TMEM132C: variants seen among roughly 807,000 people sequenced by gnomAD.
The protein encoded by TMEM132C is transmembrane protein 132C.
TMEM132C carries 29 observed loss-of-function variants against 61.4 expected under a neutral mutation model. The ratio of observed to expected loss-of-function variants is 0.47; its 90% CI spans 0.35 to 0.64. TMEM132C has a LOEUF of 0.64. TMEM132C is among the 30% of genes least tolerant of loss of function. The probability of loss-of-function intolerance (pLI) is 0.00; values close to 1 mark genes in which losing one functional copy is unlikely to be tolerated. For missense variants in TMEM132C, 1,408 were observed against 1,476.9 expected (o/e 0.95, Z 0.76); for synonymous variants, 656 against 633.1 (o/e 1.04, Z -0.54).
intron 1 of TMEM132C, among the ~76,000 whole-genome samples, chr12:128,328,128 T>A (rs1247565907): frequency 1.3e-5 from 2 of 152,036 alleles, no homozygotes; most frequent in Admixed American, 1.3e-4. Context: ...GCTTAGAATT[T>A]TATTTTGTGT....
chr12:128,581,944 T>A (rs1009698957), intron 3 of TMEM132C, among the ~76,000 whole-genome samples: 3 of 152,140 alleles, frequency 2.0e-5, no homozygotes, highest in Non-Finnish European at 4.4e-5. Flanking sequence ...TGGCTTCAGC[T>A]CCGCGAATCC....
intron 2 of TMEM132C, among the ~76,000 whole-genome samples, chr12:128,533,514 C>T (rs1289893289): frequency 6.6e-6 from 1 of 152,176 alleles, no homozygotes; most frequent in Non-Finnish European, 1.5e-5. Flanking sequence ...TTGATTCCTT[C>T]TGAGGTCTGA....
intron 1 of TMEM132C, among the ~76,000 whole-genome samples, chr12:128,320,916 G>A (rs1241451119): frequency 6.6e-6 from 1 of 151,712 alleles, no homozygotes; most frequent in Non-Finnish European, 1.5e-5. Context: ...GTCCATTTTC[G>A]GATTGTTGAT....
intron 2 of TMEM132C, among the ~76,000 whole-genome samples, chr12:128,428,443 T>C (rs1398932217): frequency 6.6e-6 from 1 of 152,088 alleles, no homozygotes; most frequent in East Asian, 1.9e-4. Flanking sequence ...TTTTTTATAA[T>C]AGGTGCAATA....
intron 5 of TMEM132C, among the ~76,000 whole-genome samples, chr12:128,673,237 G>A (rs1052302720): frequency 6.6e-6 from 1 of 152,164 alleles, no homozygotes; most frequent in South Asian, 2.1e-4. Flanking sequence ...GGAGCCCCAC[G>A]ATGGCAGTAG....
At chr12:128,691,556 G>A (rs1471657423) in intron 5 of TMEM132C, among the ~76,000 whole-genome samples, 1 of 151,946 alleles carries the variant, frequency 6.6e-6, no homozygotes, top group African/African-American at 2.4e-5. Context: ...ATCCATCCGT[G>A]CATCCACCCA....
intron 3 of TMEM132C, among the ~76,000 whole-genome samples, chr12:128,581,422 C>A (rs1396968423): frequency 6.6e-6 from 1 of 152,086 alleles, no homozygotes; most frequent in Non-Finnish European, 1.5e-5. Flanking sequence ...GGGGAAACAC[C>A]CTTTATTGCA....
chr12:128,394,116 C>T (rs1874860126), intron 1 of TMEM132C, among the ~76,000 whole-genome samples: 2 of 152,158 alleles, frequency 1.3e-5, no homozygotes, highest in African/African-American at 4.8e-5. Context: ...GCGTGTCTTA[C>T]ATGGCGGCAG....
chr12:128,494,233 G>C (rs1398320126), intron 2 of TMEM132C, among the ~76,000 whole-genome samples: 1 of 152,174 alleles, frequency 6.6e-6, no homozygotes, highest in Non-Finnish European at 1.5e-5. Context: ...TTTTTGATGT[G>C]CTGCTGGATT....
chr12:128,338,179 CT>C (rs896198037), intron 1 of TMEM132C, among the ~76,000 whole-genome samples: 2 of 151,850 alleles, frequency 1.3e-5, no homozygotes, highest in African/African-American at 4.8e-5. Context: ...GTAAAGTTGT[CT>C]CTTTAATAGG....
At chr12:128,686,701 C>G (rs1233916195) in intron 5 of TMEM132C, among the ~76,000 whole-genome samples, 1 of 152,196 alleles carries the variant, frequency 6.6e-6, no homozygotes. Context: ...TGAGCATCCA[C>G]TGTGTGTCAG....
chr12:128,371,042 C>T lies in TMEM132C; in HGVS notation c.86-43690C>T, dbSNP rs78823879. On this transcript the variant is annotated intron_variant, in intron 1 of 8. Coordinates refer to ENST00000435159, the MANE Select transcript of TMEM132C (RefSeq NM_001136103.3). ...TCCAGGTGCCTGGCTCTAGAATCAT[C>T]GCAGGTCTAACCAGCATGCACAGGA... 2.8e-4 allele frequency among the ~76,000 whole-genome samples: 43 copies of T among 152,056 alleles called. 1 individual carries two copies. In the South Asian group the frequency reaches 8.7e-3, roughly 31 times the overall value.
chr12:128,623,960 T>C (rs536247147), intron 4 of TMEM132C, among the ~76,000 whole-genome samples: 1 of 152,346 alleles, frequency 6.6e-6, no homozygotes, highest in East Asian at 1.9e-4. Flanking sequence ...AGCATTTTCT[T>C]CTTCCTCACT....
intron 2 of TMEM132C, among the ~76,000 whole-genome samples, chr12:128,476,783 C>T (rs754350523): frequency 2.0e-5 from 3 of 152,150 alleles, no homozygotes; most frequent in Non-Finnish European, 2.9e-5. Flanking sequence ...GCCCAAGTGA[C>T]GGAACTTCAG....
rs113617430 is a variant in TMEM132C, at chr12:128,494,078, A to C, written c.975-49879A>C. Among the ~76,000 whole-genome samples the C allele has an allele frequency of 2.0e-5, 3 of 152,270 alleles. No homozygotes were observed. In the South Asian group the frequency reaches 6.2e-4, roughly 32 times the overall value. On this transcript the variant is annotated intron_variant, in intron 2 of 8. Transcript: ENST00000435159. ...GCATGAAGGGCTGTTGAATTTTGTCAAAGGCCTTTTCTGCATCTATTGAGA... is the reference window on the plus strand; with the variant it reads ...GCATGAAGGGCTGTTGAATTTTGTCCAAGGCCTTTTCTGCATCTATTGAGA...
At chr12:128,488,121 TGGC>T (rs1428386300) in intron 2 of TMEM132C, among the ~76,000 whole-genome samples, 11 of 152,154 alleles carry the variant, frequency 7.2e-5, no homozygotes, top group Non-Finnish European at 1.5e-4. Context: ...ATTTCAAAGA[TGGC>T]TGCATTTACC....
chr12:128,563,622 G>A (rs545341232), intron 3 of TMEM132C, among the ~76,000 whole-genome samples: 10 of 152,084 alleles, frequency 6.6e-5, no homozygotes, highest in Non-Finnish European at 1.3e-4. Context: ...GGCAAGTCTG[G>A]GTCTGATGTG....
intron 1 of TMEM132C, among the ~76,000 whole-genome samples, chr12:128,322,127 G>A (rs1872355862): frequency 6.6e-6 from 1 of 152,232 alleles, no homozygotes; most frequent in African/African-American, 2.4e-5. Context: ...AATTTGCTGG[G>A]TATAAAAGTT....
intron 4 of TMEM132C, among the ~76,000 whole-genome samples, chr12:128,640,287 A>G (rs542647505): frequency 6.6e-6 from 1 of 152,344 alleles, no homozygotes; most frequent in East Asian, 1.9e-4. Flanking sequence ...AGAGTACTGC[A>G]GTCACTCAGC....
Sources: gnomAD v4.1 joint callset for allele counts (sites outside exome capture counted in the v4.1 genomes callset) on GRCh38, gnomAD v4.1.1 for gene constraint, MANE v1.5 for transcripts, NCBI Gene and HGNC (gene_info 2026-07-23, HGNC 2026-07-21) for gene names.